RSAD2: variants seen among roughly 807,000 people sequenced by gnomAD.
The protein encoded by RSAD2 is S-adenosylmethionine-dependent nucleotide dehydratase RSAD2.
In RSAD2, 38 loss-of-function variants were observed where a neutral mutation model predicts 37.7. The observed-to-expected ratio is 1.01, with a 90% CI of 0.78 to 1.32. The LOEUF is 1.32. RSAD2 is among the 40% of genes most tolerant of loss of function. The pLI, the probability that RSAD2 is intolerant of heterozygous loss-of-function variation, is 0.00. For synonymous variants in RSAD2, 163 were observed against 157.4 expected, an observed-to-expected ratio of 1.04 and a Z score of -0.27; for missense variants, 428 against 437.5, an observed-to-expected ratio of 0.98 and a Z score of 0.19.
At chr2:6,886,303 C>T (rs1420124625) in intron 2 of RSAD2, among the ~76,000 whole-genome samples, 4 of 152,322 alleles carry the variant, frequency 2.6e-5, no homozygotes, top group African/African-American at 4.8e-5. Context: ...GCTCCCAAAA[C>T]GACACGCTGT....
chr2:6,895,782 G>C lies in RSAD2; in HGVS notation c.926G>C (p.Arg309Pro). ...TTTCTGTTATGAATTTTCTAGATGC[G>C]CTTTCTGAACTGTAGAAAGGGACGG... is the stretch of plus-strand genomic sequence containing the variant. The part of the protein sequence containing the change: ...DSYLILDEYM[R>P]FLNCRKGRKD... Residue 309 changes from arginine (R) to proline (P), a missense_variant, in exon 6 of 6, where the codon CGC (arginine) becomes CCC (proline). By Grantham distance (103) the Arg-to-Pro change is moderately radical. Transcript: ENST00000382040. 1 of 1,611,010 alleles carries C rather than the reference G, an allele frequency of 6.2e-7. No individual in the cohort carries two copies.
chr2:6,878,103 C>A lies in RSAD2; in HGVS notation c.303C>A (p.Pro101=). 2 of 1,614,134 alleles carry A rather than the reference C, an allele frequency of 1.2e-6. No homozygotes were observed. Among genetic ancestry groups the A allele is most frequent in the Non-Finnish European group, 1.7e-6 (2 of 1,180,008 alleles). The change falls in exon 1 of 6, where the codon CCC becomes CCA. Residue 101 remains proline, a synonymous_variant. Coordinates refer to ENST00000382040, the MANE Select transcript of RSAD2 (RefSeq NM_080657.5). ...CAGCCAAAACATCCTTTGTGCTGCC[C>A]CTTGAGGAAGCAAAGAGAGGATTGC... The part of the protein sequence containing the change: ...FHTAKTSFVL[P]LEEAKRGLLL...
At position 6,895,830 on chromosome 2, in the gene RSAD2, T is replaced by C. The variant is rs138185106; in HGVS notation, c.974T>C (p.Leu325Pro). The change falls in exon 6 of 6, where the codon CTG becomes CCG. Residue 325 changes from leucine to proline, a missense_variant. By Grantham distance (98) the Leu-to-Pro change is moderately conservative (BLOSUM62 -3). Coordinates refer to ENST00000382040, the MANE Select transcript of RSAD2 (RefSeq NM_080657.5). ...CGGAAGGACCCTTCCAAGTCCATCCTGGATGTTGGTGTAGAAGAAGCTATA... is the reference window on the plus strand; with the variant it reads ...CGGAAGGACCCTTCCAAGTCCATCCCGGATGTTGGTGTAGAAGAAGCTATA... Reference protein sequence around the residue: ...KGRKDPSKSILDVGVEEAIKF... With the variant: ...KGRKDPSKSIPDVGVEEAIKF... 1 of 1,614,204 alleles carries C rather than the reference T, an allele frequency of 6.2e-7. No individual in the cohort carries two copies. Among genetic ancestry groups the C allele is most frequent in the Non-Finnish European group, 8.5e-7 (1 of 1,180,008 alleles).
At chr2:6,873,469 G>T (rs553980174), upstream of RSAD2, among the ~76,000 whole-genome samples, 5 of 152,290 alleles carry the variant, frequency 3.3e-5, no homozygotes, top group African/African-American at 1.2e-4. Context: ...ACTAAAGGAG[G>T]TTTGTTTCCC....
Position 6,890,293 on chromosome 2 carries a change from G to A in RSAD2, c.856G>A (p.Val286Met). 1 of 1,614,212 alleles carries A rather than the reference G, an allele frequency of 6.2e-7. No individual in the cohort carries two copies. The highest frequency in any genetic ancestry group is 8.5e-7 in the Non-Finnish European group (1 of 1,180,028). ...AAGATTCTTGGAGCGCCACAAAGAA[G>A]TGTCCTGCTTGGTGCCTGAATCTAA... The part of the protein sequence containing the change: ...FERFLERHKE[V>M]SCLVPESNQK... The change falls in exon 4 of 6, where the codon GTG (valine) becomes ATG (methionine). Residue 286 changes from valine to methionine, a missense_variant. By Grantham distance (21) the Val-to-Met change is conservative. Transcript: ENST00000382040.
Position 6,888,600 on chromosome 2 carries a change from T to TC in RSAD2, c.738+1440dup, listed in dbSNP as rs571445180. 9.2e-3 allele frequency among the ~76,000 whole-genome samples: 1,398 copies of TC among 152,308 alleles called. 9 individuals carry two copies. The highest frequency in any genetic ancestry group is 0.014 in the Non-Finnish European group (935 of 68,026). On this transcript the variant is annotated intron_variant, in intron 3 of 5. Transcript: ENST00000382040. ...TTTTTTCAGATGTGTAAATATTTTT[T>TC]CCCCACAGCTTGGTTTTCTCCTATC...
chr2:6,869,097 T>C lies in RSAD2; in HGVS notation c.142+3052T>C, dbSNP rs191838541. ...GGCAGACCCTGAGACTCAAACAGGC[T>C]TTTCCTGGCCAGTGGTTTCAAACAC... On this transcript the variant is annotated intron_variant, in intron 1 of 5. Transcript: ENST00000442639. Among the ~76,000 whole-genome samples, 119 of 152,264 alleles carry C rather than the reference T, an allele frequency of 7.8e-4. 1 individual carries two copies. Among genetic ancestry groups the C allele is most frequent in the Middle Eastern group, 3.4e-3 (1 of 294 alleles).
chr2:6,888,451 C>T (rs1224335744), intron 3 of RSAD2, among the ~76,000 whole-genome samples: 1 of 152,172 alleles, frequency 6.6e-6, no homozygotes, highest in Non-Finnish European at 1.5e-5. Context: ...GCAGAGGCTC[C>T]AGCTGGAGGG....
In RSAD2 at chr2:6,893,792, A is replaced by G. The variant is rs561910139; in HGVS notation, c.921+89A>G. ...TTGAGTTCCATGAGCATAACTATCT[A>G]GTACCTATTTGTCCTTCTTAATTAG... On this transcript the variant is annotated intron_variant, in intron 5 of 5. Transcript: ENST00000382040. 35 of 888,906 alleles carry G rather than the reference A, an allele frequency of 3.9e-5. No individual in the cohort carries two copies. In the South Asian group the frequency reaches 4.5e-4, roughly 11 times the overall value. 55.1% of individuals were successfully genotyped at this position (888,906 alleles called of 1,614,324 possible).
At chr2:6,877,403 G>A (rs1663303977), upstream of RSAD2, among the ~76,000 whole-genome samples, 1 of 152,170 alleles carries the variant, frequency 6.6e-6, no homozygotes, top group Admixed American at 6.5e-5. Flanking sequence ...ACTGTTACTT[G>A]GCTATGTCAA....
chr2:6,894,709 G>C (rs370592960), intron 5 of RSAD2, among the ~76,000 whole-genome samples: 1 of 152,180 alleles, frequency 6.6e-6, no homozygotes, highest in Admixed American at 6.5e-5. Flanking sequence ...GGCCTCCCCA[G>C]ATGCTGGGAT....
intron 1 of RSAD2, among the ~76,000 whole-genome samples, chr2:6,868,458 T>C (rs1663145700): frequency 6.6e-6 from 1 of 152,108 alleles, no homozygotes; most frequent in Admixed American, 6.5e-5. Context: ...AAAGTGAATA[T>C]TATAAAATAA....
At chr2:6,874,511 A>G (rs1386479973), upstream of RSAD2, among the ~76,000 whole-genome samples, 1 of 152,216 alleles carries the variant, frequency 6.6e-6, no homozygotes, top group Non-Finnish European at 1.5e-5. Context: ...AGTTTTGATC[A>G]TAGCTGTTCT....
chr2:6,892,023 G>A (rs934736890), intron 4 of RSAD2, among the ~76,000 whole-genome samples: 2 of 152,094 alleles, frequency 1.3e-5, no homozygotes, highest in African/African-American at 4.8e-5. Context: ...TATTCCTTTG[G>A]TTATCTTGGA....
At position 6,891,972 on chromosome 2, in the gene RSAD2, T is replaced by C. The variant is rs906697286; in HGVS notation, c.888+1647T>C. 2.7e-4 allele frequency among the ~76,000 whole-genome samples: 41 copies of C among 152,292 alleles called. 1 individual carries two copies. Among genetic ancestry groups the C allele is most frequent in the Middle Eastern group, 3.4e-3 (1 of 294 alleles). On this transcript the variant is annotated intron_variant, in intron 4 of 5. Coordinates refer to ENST00000382040, the MANE Select transcript of RSAD2 (RefSeq NM_080657.5). ...ATAAAAAACAGTATGCAAAATTAAT[T>C]TGAAGTTTAATCCTGATGTGTAAAA...
intron 4 of RSAD2, among the ~76,000 whole-genome samples, chr2:6,891,739 C>T (rs958043442): frequency 1.3e-5 from 2 of 152,236 alleles, no homozygotes; most frequent in Non-Finnish European, 2.9e-5. Context: ...GCAGTCCAGC[C>T]TGGGCGACAG....
intron 2 of RSAD2, among the ~76,000 whole-genome samples, chr2:6,886,157 C>T (rs1572157738): frequency 6.6e-6 from 1 of 152,230 alleles, no homozygotes; most frequent in Admixed American, 6.5e-5. Context: ...AGTGACTCAG[C>T]CATTGAGAAT....
chr2:6,881,207 T>C (rs1263273250), intron 1 of RSAD2, among the ~76,000 whole-genome samples: 1 of 152,214 alleles, frequency 6.6e-6, no homozygotes. Context: ...AATTATGTTT[T>C]GTTTTGTTTT....
chr2:6,883,885 T>C (rs1663464750), intron 2 of RSAD2: 2 of 193,814 alleles, frequency 1.0e-5, no homozygotes, highest in Admixed American at 5.5e-5. Flanking sequence ...CTGTTGGGAC[T>C]GGACTGGATC....
Sources: allele counts gnomAD v4.1 joint callset (sites outside exome capture counted in the v4.1 genomes callset), GRCh38; gene constraint gnomAD v4.1.1; transcripts MANE v1.5; gene names NCBI Gene and HGNC (gene_info 2026-07-23, HGNC 2026-07-21).